WIZ: variants seen among roughly 807,000 people sequenced by gnomAD.
WIZ encodes the protein protein Wiz.
WIZ carries 25 observed loss-of-function variants against 140.2 expected under a neutral mutation model. That is an observed-to-expected ratio of 0.18 (90% confidence interval 0.13 to 0.25). WIZ has a LOEUF of 0.25. Ranked by LOEUF, WIZ falls within the 10% of genes least tolerant of loss-of-function variation. The pLI, the probability that WIZ is intolerant of heterozygous loss-of-function variation, is 1.00. For missense variants in WIZ, 2,231 were observed against 2,632.6 expected, an observed-to-expected ratio of 0.85 and a Z score of 3.34; for synonymous variants, 1,125 against 1,154.3, an observed-to-expected ratio of 0.97 and a Z score of 0.51.
rs529231347 is a variant in WIZ at position 15,431,152 on chromosome 19, G to A, written c.2771C>T (p.Ala924Val). The part of the protein sequence containing the change: ...GLGSEENAMV[A>V]MDLGSPSLPK... Reference sequence around the variant, plus strand: ...GAGCGAGGGAGAGCCCAAGTCCATGGCCACCATTGCGTTTTCCTCAGAACC... The same window carrying A: ...GAGCGAGGGAGAGCCCAAGTCCATGACCACCATTGCGTTTTCCTCAGAACC... The change falls in exon 6 of 13, where the codon GCC (alanine) becomes GTC (valine). Residue 924 changes from alanine to valine, a missense_variant. Ala to Val is a moderately conservative substitution (Grantham distance 64). Coordinates refer to ENST00000673675, the MANE Select transcript of WIZ (RefSeq NM_001371589.1). The A allele has an allele frequency of 1.3e-6, 2 of 1,532,946 alleles. No individual in the cohort carries two copies. The highest frequency in any genetic ancestry group is 1.4e-5 in the African/African-American group (1 of 73,070). 95.0% of individuals were successfully genotyped at this position (1,532,946 alleles called of 1,614,324 possible).
rs1260875080 is a variant in WIZ at position 15,428,453 on chromosome 19, A to G, written c.3471T>C (p.Phe1157=). The G allele has an allele frequency of 5.9e-6, 9 of 1,535,556 alleles. No homozygotes were observed. The highest frequency in any genetic ancestry group is 7.8e-6 in the Non-Finnish European group (9 of 1,146,808). The change falls in exon 8 of 13, where the codon TTT becomes TTC. Residue 1157 remains phenylalanine (F), a synonymous_variant. Coordinates refer to ENST00000673675, the MANE Select transcript of WIZ (RefSeq NM_001371589.1). This position sits in a 1 kb window ranked among gnomAD's most constrained non-coding sequence, Gnocchi z 6.4. ...GGCTAGACAGGCCCTTGCGGGTCTC[A>G]AACCAGGCACCGCACAGCTGGCAGT... ...ELDCQLCGAW[F]ETRKGLSSHA...
At chr19:15,437,325 C>A (rs767914091) in intron 4 of WIZ, among the ~76,000 whole-genome samples, 196 bp from the exon 5 acceptor site, 26 of 152,204 alleles carry the variant, frequency 1.7e-4, no homozygotes, top group African/African-American at 5.8e-4. Flanking sequence ...CCAGATACCC[C>A]CTTCCCACAT....
At chr19:15,425,814 GA>G (rs1432454100) in intron 9 of WIZ, 46 bp from the exon 10 acceptor site, 5 of 61,738 alleles carry the variant, frequency 8.1e-5, no homozygotes, top group African/African-American at 5.9e-4. Context: ...GGAGGAGGAG[GA>G]GGGAGGAGGA....
chr19:15,429,476 TCCCCACCGC>T, intron 7 of WIZ, 101 bp downstream of exon 7: 1 of 1,071,038 alleles, frequency 9.3e-7, no homozygotes, highest in Non-Finnish European at 1.2e-6. Flanking sequence ...GGAGCTGTAG[TCCCCACCGC>T]CCCCACCCAC....
Position 15,428,494 on chromosome 19 carries a change from C to T in WIZ, c.3430G>A (p.Gly1144Arg). ...AGCTGGCAGTCCAGCTCTCTGCCCC[C>T]GTCACTATCTAAAGCTGCGGAGACA... ...GPLNLTLDSDGGRELDCQLCG... is the reference protein window; with the variant it reads ...GPLNLTLDSDRGRELDCQLCG... The change falls in exon 8 of 13, where the codon GGG becomes AGG. Residue 1144 changes from glycine (G) to arginine (R), a missense_variant. Physicochemically the swap from Gly to Arg is moderately radical, Grantham distance 125. Around this residue, in one of 15 missense-constraint regions of WIZ, gnomAD observed 39 missense variants for 74.9 expected, o/e 0.52. Transcript: ENST00000673675. This position sits in a 1 kb window ranked among gnomAD's most constrained non-coding sequence, Gnocchi z 6.4. 1.3e-6 allele frequency: 2 copies of T among 1,535,520 alleles called. No homozygotes were observed. Among genetic ancestry groups the T allele is most frequent in the South Asian group, 1.2e-5 (1 of 84,058 alleles).
At chr19:15,430,755 T>C (rs1372089932) in intron 6 of WIZ, among the ~76,000 whole-genome samples, 1 of 149,586 alleles carries the variant, frequency 6.7e-6, no homozygotes, top group Non-Finnish European at 1.5e-5. Context: ...GGTCTGAGTA[T>C]GAGCTCTGGA....
chr19:15,438,522 A>G, intron 4 of WIZ, 56 bp downstream of exon 4: 2 of 1,443,976 alleles, frequency 1.4e-6, no homozygotes, highest in South Asian at 1.4e-5. Context: ...ATTTAGATCA[A>G]CGGTGGGTTG....
At chr19:15,431,223 G>A in intron 5 of WIZ, 41 bp from the exon 6 acceptor site, 3 of 1,476,918 alleles carry the variant, frequency 2.0e-6, no homozygotes, top group Non-Finnish European at 2.7e-6. Flanking sequence ...ACAAATTTCA[G>A]GCTGTCTATA....
rs576621710 is a variant in WIZ, at chr19:15,424,727, C to T, written c.5200G>A (p.Gly1734Arg). Residue 1734 changes from glycine to arginine, a missense_variant, in exon 11 of 13, where the codon GGA becomes AGA. Gly to Arg is a moderately radical substitution (Grantham distance 125). Transcript: ENST00000673675. The surrounding 1 kb of genome is among the most constrained non-coding windows in gnomAD (Gnocchi z 9.7). ...GGLAVVGRSA[G>R]GEPGPEAGRA... ...CCAGCCTCGGGCCCTGGCTCCCCTC[C>T]GGCACTGCGGCCGACCACGGCCAGG... 1.3e-5 allele frequency: 21 copies of T among 1,573,862 alleles called. No homozygotes were observed. The highest frequency in any genetic ancestry group is 6.7e-5 in the African/African-American group (5 of 74,228).
intron 5 of WIZ, chr19:15,432,519 TGGTGGC>T: frequency 2.2e-6 from 1 of 458,074 alleles, no homozygotes; most frequent in Non-Finnish European, 2.7e-6. Flanking sequence ...GTGGCGGTGG[TGGTGGC>T]GGCGGCGGCG....
rs1448548529 is a variant in WIZ, at chr19:15,431,040, G to A, written c.2883C>T (p.Gly961=). ...SSKVAAEVPH[G]SKQELQDLKA... is the part of the protein sequence containing the mutation. Reference sequence around the variant, plus strand: ...TGAGGTCCTGCAGCTCCTGTTTGCTGCCATGAGGAACCTCTGCAGCCACTT... The same window carrying A: ...TGAGGTCCTGCAGCTCCTGTTTGCTACCATGAGGAACCTCTGCAGCCACTT... Residue 961 remains glycine (G), a synonymous_variant, in exon 6 of 13, where the codon GGC becomes GGT. Coordinates refer to ENST00000673675, the MANE Select transcript of WIZ (RefSeq NM_001371589.1). 7 of 1,535,578 alleles carry A rather than the reference G, an allele frequency of 4.6e-6. No individual in the cohort carries two copies. Among genetic ancestry groups the A allele is most frequent in the Non-Finnish European group, 6.1e-6 (7 of 1,146,638 alleles).
At chr19:15,447,712 G>GATAC (rs937218449) in intron 2 of WIZ, among the ~76,000 whole-genome samples, 3 of 152,184 alleles carry the variant, frequency 2.0e-5, no homozygotes, top group Admixed American at 6.5e-5. Context: ...TCAGGAACAG[G>GATAC]ATACACCCAG....
chr19:15,443,251 T>C (rs1969806402), intron 2 of WIZ, among the ~76,000 whole-genome samples: 1 of 152,218 alleles, frequency 6.6e-6, no homozygotes, highest in Admixed American at 6.5e-5. Flanking sequence ...CTTCTATGTT[T>C]AGTAGTGACG....
chr19:15,421,049 G>C lies in WIZ; in HGVS notation c.*2027C>G, dbSNP rs1968349586. 1 of 152,210 alleles carries C rather than the reference G, an allele frequency of 6.6e-6. No individual in the cohort carries two copies. Among genetic ancestry groups the C allele is most frequent in the Middle Eastern group, 3.4e-3 (1 of 292 alleles). The allele number at this position is 152,210 out of a possible 1,614,324, so 9.4% of individuals were successfully genotyped here. The stretch of plus-strand genomic sequence containing the variant: ...GAGAATCACTTGAACCCAGGAGGCA[G>C]AGACTGCAGCGAGCCGAGGTCCCTA... On this transcript the variant is annotated 3_prime_UTR_variant, in exon 13 of 13. Coordinates refer to ENST00000673675, the MANE Select transcript of WIZ (RefSeq NM_001371589.1).
At position 15,422,945 on chromosome 19, in the gene WIZ, C is replaced by A. The variant is rs1261053825; in HGVS notation, c.*131G>T. ...CCCTGGCTGTAGTGTGCCCGGCCCC[C>A]AAGGGGCGCCGGTTTGAGGTTTTGG... On this transcript the variant is annotated 3_prime_UTR_variant, in exon 13 of 13. Coordinates refer to ENST00000673675, the MANE Select transcript of WIZ (RefSeq NM_001371589.1). 2.2e-6 allele frequency: 3 copies of A among 1,391,938 alleles called. No individual in the cohort carries two copies. In the African/African-American group the frequency reaches 4.3e-5, roughly 20 times the overall value. The allele number at this position is 1,391,938 out of a possible 1,614,324, so 86.2% of individuals were successfully genotyped here. A position where few individuals can be genotyped will look rare whatever the true frequency, so the allele number is the denominator to read the frequency against.
chr19:15,447,957 C>T (rs1479341655), intron 2 of WIZ, 146 bp downstream of exon 2: 20 of 944,068 alleles, frequency 2.1e-5, no homozygotes, highest in Non-Finnish European at 3.2e-5. Flanking sequence ...AAATAAGAAA[C>T]TAAACAGAGT....
In WIZ at chr19:15,439,680, G is replaced by C. The variant is rs1421199227; in HGVS notation, c.1314C>G (p.Gly438=). The part of the protein sequence containing the change: ...PGQTTKEPFG[G]SSGAGSPSPE... Reference sequence around the variant, plus strand: ...GGCTGGGGCTGCCAGCCCCGCTGCTGCCTCCAAAAGGCTCTTTGGTGGTCT... The same window carrying C: ...GGCTGGGGCTGCCAGCCCCGCTGCTCCCTCCAAAAGGCTCTTTGGTGGTCT... The change falls in exon 4 of 13, where the codon GGC becomes GGG. Residue 438 remains glycine (G), a synonymous_variant. Coordinates refer to ENST00000673675, the MANE Select transcript of WIZ (RefSeq NM_001371589.1). This position sits in a 1 kb window ranked among gnomAD's most constrained non-coding sequence, Gnocchi z 7.0. 6.7e-7 allele frequency: 1 copy of C among 1,502,056 alleles called. No homozygotes were observed. The allele number at this position is 1,502,056 out of a possible 1,614,324, so 93.0% of individuals were successfully genotyped here. A position where few individuals can be genotyped will look rare whatever the true frequency, so the allele number is the denominator to read the frequency against.
rs370350769 is a variant in WIZ, at chr19:15,442,747, G to A, written c.207C>T (p.Asp69=). The A allele has an allele frequency of 2.8e-4, 351 of 1,231,954 alleles. No individual in the cohort carries two copies. Among genetic ancestry groups the A allele is most frequent in the Non-Finnish European group, 3.2e-4 (314 of 987,988 alleles). 76.3% of individuals were successfully genotyped at this position (1,231,954 alleles called of 1,614,324 possible). Reference sequence around the variant, plus strand: ...CGCTGAGGCCGGGATGGGGCTGCCCGTCTGCAACAGAGAGGGGAGACCCTG... The same window carrying A: ...CGCTGAGGCCGGGATGGGGCTGCCCATCTGCAACAGAGAGGGGAGACCCTG... ...DILDGRGGIS[D]GQPHPGLSEA... Residue 69 remains aspartate (D), a splice_region_variant and synonymous_variant, in exon 3 of 13, where the codon GAC becomes GAT. Transcript: ENST00000673675. This position sits in a 1 kb window ranked among gnomAD's most constrained non-coding sequence, Gnocchi z 5.5.
At position 15,424,480 on chromosome 19, in the gene WIZ, T is replaced by C. The variant is rs1368847597; in HGVS notation, c.5315-102A>G. ...ACTGATGCTACCTGGATGGGTGGGA[T>C]GGGGGATGGATGGGTGAATGGGTAA... On this transcript the variant is annotated intron_variant, in intron 11 of 12. Coordinates refer to ENST00000673675, the MANE Select transcript of WIZ (RefSeq NM_001371589.1). This position sits in a 1 kb window ranked among gnomAD's most constrained non-coding sequence, Gnocchi z 9.7. The C allele has an allele frequency of 6.5e-7, 1 of 1,526,852 alleles. No individual in the cohort carries two copies. Among genetic ancestry groups the C allele is most frequent in the Non-Finnish European group, 8.8e-7 (1 of 1,130,916 alleles). The allele number at this position is 1,526,852 out of a possible 1,614,324, so 94.6% of individuals were successfully genotyped here. A position where few individuals can be genotyped will look rare whatever the true frequency, so the allele number is the denominator to read the frequency against.
Sources: gnomAD v4.1 joint callset for allele counts (sites outside exome capture counted in the v4.1 genomes callset) on GRCh38, gnomAD v4.1.1 for gene constraint, gnomAD v4.1.1 regional missense constraint, Gnocchi (gnomAD v3.1) non-coding constraint, MANE v1.5 for transcripts, NCBI Gene and HGNC (gene_info 2026-07-23, HGNC 2026-07-21) for gene names.